SRBD1: variants seen among roughly 807,000 people sequenced by gnomAD.
SRBD1 encodes the protein S1 RNA binding domain 1.
In SRBD1, 88 loss-of-function variants were observed where a neutral mutation model predicts 115.3. The observed-to-expected ratio is 0.76, with a 90% CI of 0.64 to 0.91. SRBD1 has a LOEUF of 0.91. SRBD1 is among the 40% of genes least tolerant of loss of function. The probability of loss-of-function intolerance (pLI) is 0.00; values close to 1 mark genes in which losing one functional copy is unlikely to be tolerated. For synonymous variants in SRBD1, 509 were observed against 407.7 expected, an observed-to-expected ratio of 1.25 and a Z score of -2.99; for missense variants, 1,385 against 1,177.4, an observed-to-expected ratio of 1.18 and a Z score of -2.58.
chr2:45,443,850 A>C (rs1260680704), intron 16 of SRBD1, among the ~76,000 whole-genome samples: 1 of 151,666 alleles, frequency 6.6e-6, no homozygotes, highest in East Asian at 1.9e-4. Flanking sequence ...CTAGTTTTAC[A>C]AAGAGTGTTG....
intron 10 of SRBD1, among the ~76,000 whole-genome samples, chr2:45,556,130 A>AT (rs1397866256): frequency 5.3e-5 from 8 of 152,162 alleles, no homozygotes; most frequent in African/African-American, 1.9e-4. Context: ...CAGTTTTTAA[A>AT]TTTTAGTGGA....
chr2:45,497,308 A>T (rs1328306470), intron 14 of SRBD1, among the ~76,000 whole-genome samples: 1 of 152,186 alleles, frequency 6.6e-6, no homozygotes, highest in African/African-American at 2.4e-5. Flanking sequence ...TTTTACTGTC[A>T]TTGCCCTATA....
intron 19 of SRBD1, among the ~76,000 whole-genome samples, chr2:45,401,027 T>C (rs778650782): frequency 2.0e-5 from 3 of 152,216 alleles, no homozygotes; most frequent in African/African-American, 4.8e-5. Flanking sequence ...AATCAATCCA[T>C]AGCCTGATCA....
At chr2:45,500,228 C>CTGTGTGTGTG (rs60622580) in intron 14 of SRBD1, among the ~76,000 whole-genome samples, 29 of 146,558 alleles carry the variant, frequency 2.0e-4, no homozygotes, top group South Asian at 4.5e-4. Flanking sequence ...TAAATTTATC[C>CTGTGTGTGTG]TGTGTGTGTG....
At chr2:45,568,391 G>T (rs1454181652) in intron 9 of SRBD1, among the ~76,000 whole-genome samples, 2 of 152,110 alleles carry the variant, frequency 1.3e-5, no homozygotes, top group Non-Finnish European at 2.9e-5. Context: ...CTACATAAAG[G>T]CTGAAAAGTA....
chr2:45,537,729 A>G (rs1440714826), intron 14 of SRBD1, among the ~76,000 whole-genome samples: 3 of 152,194 alleles, frequency 2.0e-5, no homozygotes, highest in African/African-American at 7.2e-5. Flanking sequence ...ACATAGAAGA[A>G]TATCTCATCC....
intron 14 of SRBD1, among the ~76,000 whole-genome samples, chr2:45,514,617 T>C (rs1671067482): frequency 1.3e-5 from 2 of 152,086 alleles, no homozygotes; most frequent in African/African-American, 4.8e-5. Context: ...AAAACAAACG[T>C]GTCACACTTC....
chr2:45,580,390 G>C (rs999592872), intron 6 of SRBD1, among the ~76,000 whole-genome samples: 1 of 151,798 alleles, frequency 6.6e-6, no homozygotes, highest in African/African-American at 2.4e-5. Context: ...CTTTCGCCCA[G>C]GCCTGAGTGC....
In SRBD1 at chr2:45,466,033, T is replaced by G. The variant is rs76629905; in HGVS notation, c.2049+10960A>C. On this transcript the variant is annotated intron_variant, in intron 16 of 20. Transcript: ENST00000263736. Reference sequence around the variant, plus strand: ...TGAATATCTACCATGTGCCAGGTCCTGGGAGCTGAAGATACAAGAAGTGGA... The same window carrying G: ...TGAATATCTACCATGTGCCAGGTCCGGGGAGCTGAAGATACAAGAAGTGGA... Among the ~76,000 whole-genome samples the G allele has an allele frequency of 2.0e-3, 300 of 152,294 alleles. 1 individual carries two copies. Among genetic ancestry groups the G allele is most frequent in the Non-Finnish European group, 2.9e-3 (194 of 68,020 alleles).
At chr2:45,414,391 G>A (rs897254238) in intron 18 of SRBD1, among the ~76,000 whole-genome samples, 2 of 151,462 alleles carry the variant, frequency 1.3e-5, no homozygotes, top group African/African-American at 4.9e-5. Context: ...CATGAATGAT[G>A]TAAATATATA....
At chr2:45,605,894 A>T (rs1186288897) in intron 1 of SRBD1, among the ~76,000 whole-genome samples, 2 of 145,318 alleles carry the variant, frequency 1.4e-5, no homozygotes, top group Non-Finnish European at 3.0e-5. Context: ...ACAGAGTGAG[A>T]CTCGGTCTCA....
chr2:45,590,647 T>G (rs1223813877), intron 4 of SRBD1, among the ~76,000 whole-genome samples: 1 of 152,160 alleles, frequency 6.6e-6, no homozygotes, highest in Non-Finnish European at 1.5e-5. Context: ...TGAAGAAGGA[T>G]GTGTTTGCTT....
chr2:45,470,777 G>C (rs997924907), intron 16 of SRBD1, among the ~76,000 whole-genome samples: 15 of 151,994 alleles, frequency 9.9e-5, no homozygotes, highest in Admixed American at 6.6e-5. Flanking sequence ...GTCTTTAGGG[G>C]TCAGTTAGGG....
intron 14 of SRBD1, among the ~76,000 whole-genome samples, chr2:45,503,909 G>A (rs1186041265): frequency 2.6e-5 from 4 of 152,086 alleles, no homozygotes; most frequent in African/African-American, 9.7e-5. Flanking sequence ...ATAATAGGCA[G>A]AATCCAGTTA....
chr2:45,458,231 A>G (rs1375760138), intron 16 of SRBD1, among the ~76,000 whole-genome samples: 2 of 152,102 alleles, frequency 1.3e-5, no homozygotes, highest in African/African-American at 4.8e-5. Context: ...GAAGAGAGAA[A>G]CTTTTCCATT....
At chr2:45,442,979 A>C (rs1488860290) in intron 16 of SRBD1, among the ~76,000 whole-genome samples, 2 of 152,178 alleles carry the variant, frequency 1.3e-5, no homozygotes, top group East Asian at 3.9e-4. Context: ...TACAGTGCTG[A>C]AATTGAAAGG....
chr2:45,546,081 T>G lies in SRBD1; in HGVS notation c.1874+651A>C, dbSNP rs572366979. 13 of 808,482 alleles carry G rather than the reference T, an allele frequency of 1.6e-5. No individual in the cohort carries two copies. In the South Asian group the frequency reaches 6.8e-4, roughly 42 times the overall value. 50.1% of individuals were successfully genotyped at this position (808,482 alleles called of 1,614,324 possible). On this transcript the variant is annotated intron_variant, in intron 14 of 20. Coordinates refer to ENST00000263736, the MANE Select transcript of SRBD1 (RefSeq NM_018079.5). The stretch of plus-strand genomic sequence containing the variant: ...AATTAAATCCTTTAGGACTTAATAT[T>G]CTACTATAGTTTGGAAAAGGAAGAC...
rs1206284216 is a variant in SRBD1 at position 45,388,843 on chromosome 2, A to C, written c.*467T>G. On this transcript the variant is annotated 3_prime_UTR_variant, in exon 21 of 21. Coordinates refer to ENST00000263736, the MANE Select transcript of SRBD1 (RefSeq NM_018079.5). ...GAGATTATTGCAAAATTATGAATGA[A>C]GTCCAAAAGGCCTGATTAAAAAAAA... 6.5e-6 allele frequency: 1 copy of C among 154,116 alleles called. No homozygotes were observed. The highest frequency in any genetic ancestry group is 1.4e-5 in the Non-Finnish European group (1 of 69,328). 9.5% of individuals were successfully genotyped at this position (154,116 alleles called of 1,614,324 possible).
At chr2:45,558,238 A>G (rs1672545494) in intron 10 of SRBD1, among the ~76,000 whole-genome samples, 2 of 152,208 alleles carry the variant, frequency 1.3e-5, no homozygotes, top group African/African-American at 4.8e-5. Flanking sequence ...GCTGAGGCAG[A>G]AGGATTGTTT....
Sources: allele counts gnomAD v4.1 joint callset (sites outside exome capture counted in the v4.1 genomes callset), GRCh38; gene constraint gnomAD v4.1.1; transcripts MANE v1.5; gene names NCBI Gene and HGNC (gene_info 2026-07-23, HGNC 2026-07-21).